ALG1L2: variants seen among roughly 807,000 people sequenced by gnomAD.
ALG1L2 encodes ALG1 chitobiosyldiphosphodolichol beta-mannosyltransferase like 2, also known as putative glycosyltransferase ALG1L2.
Under a neutral mutation model 29.0 loss-of-function variants are expected in ALG1L2, and 32 were observed. That is an observed-to-expected ratio of 1.10 (90% CI 0.83 to 1.48). The LOEUF (loss-of-function observed/expected upper bound fraction) is 1.48. Among genes scored for constraint, ALG1L2 ranks in the 40% most tolerant of loss-of-function variants. ALG1L2 has a pLI of 0.00. For synonymous variants in ALG1L2, 110 were observed against 109.5 expected, an observed-to-expected ratio of 1.00 and a Z score of -0.03; for missense variants, 318 against 274.1, an observed-to-expected ratio of 1.16 and a Z score of -1.13.
chr3:130,083,383 G>A (rs1260444679), intron 1 of ALG1L2, among the ~76,000 whole-genome samples: 1 of 129,214 alleles, frequency 7.7e-6, no homozygotes, highest in Non-Finnish European at 1.8e-5. Context: ...GGCAGAGGTT[G>A]CAGTGAGCTG....
Position 130,096,117 on chromosome 3 carries a change from G to A in ALG1L2, c.493G>A (p.Asp165Asn), listed in dbSNP as rs548959163. 107 of 1,611,988 alleles carry A rather than the reference G, an allele frequency of 6.6e-5. No homozygotes were observed. In the Middle Eastern group the frequency reaches 6.8e-4, roughly 10 times the overall value. The change falls in exon 6 of 8, where the codon GAC (aspartate) becomes AAC (asparagine). Residue 165 changes from aspartate to asparagine, a missense_variant. Physicochemically the swap from Asp to Asn is conservative, Grantham distance 23. Transcript: ENST00000425059. ...SGLDLPMKVV[D>N]MFRCCLPACA... Reference sequence around the variant, plus strand: ...CCTGGACCTGCCCATGAAGGTGGTGGACATGTTCAGGTGCTGTTTGCCTGC... The same window carrying A: ...CCTGGACCTGCCCATGAAGGTGGTGAACATGTTCAGGTGCTGTTTGCCTGC...
intron 1 of ALG1L2, among the ~76,000 whole-genome samples, chr3:130,084,941 T>G (rs1403934398): frequency 8.3e-6 from 1 of 120,728 alleles, no homozygotes. Context: ...TATAGAGATA[T>G]ATATAATTTT....
chr3:130,093,668 C>A (rs1935067146), intron 4 of ALG1L2, among the ~76,000 whole-genome samples: 2 of 152,172 alleles, frequency 1.3e-5, no homozygotes, highest in African/African-American at 2.4e-5. Context: ...AGGTGATCCA[C>A]CCGCCTTGGC....
At position 130,091,366 on chromosome 3, in the gene ALG1L2, G is replaced by T. The variant is rs1317773540; in HGVS notation, c.126G>T (p.Arg42Ser). ...TGGGCAGCACGCACTCTCCGTTCAG[G>T]GCCCGGTAGGCCTCCCACCCTCAGC... ...MKLGSTHSPF[R>S]ARSEPEDPDT... The change falls in exon 2 of 8, where the codon AGG becomes AGT. Residue 42 changes from arginine (R) to serine (S), a missense_variant. Transcript: ENST00000425059. The T allele has an allele frequency of 1.3e-6, 2 of 1,596,672 alleles. No individual in the cohort carries two copies.
chr3:130,090,434 C>T (rs1181498162), intron 1 of ALG1L2, among the ~76,000 whole-genome samples: 2 of 152,302 alleles, frequency 1.3e-5, no homozygotes, highest in Non-Finnish European at 2.9e-5. Flanking sequence ...CCCTGAATAC[C>T]CTGCAGTGAG....
chr3:130,097,961 G>T (rs1248884433), intron 7 of ALG1L2, among the ~76,000 whole-genome samples: 1 of 152,236 alleles, frequency 6.6e-6, no homozygotes, highest in East Asian at 1.9e-4. Flanking sequence ...CGAGAGGAGG[G>T]TGCTCACAGG....
At chr3:130,091,976 G>A in intron 2 of ALG1L2, 125 bp from the exon 3 acceptor site, 1 of 1,494,740 alleles carries the variant, frequency 6.7e-7, no homozygotes, top group Non-Finnish European at 9.1e-7. Flanking sequence ...GTGGCCTGGT[G>A]CTGCTGATGC....
At position 130,083,794 on chromosome 3, in the gene ALG1L2, G is replaced by A. The variant is rs1319165403; in HGVS notation, c.20+1758G>A. 3.5e-5 allele frequency among the ~76,000 whole-genome samples: 5 copies of A among 143,288 alleles called. No homozygotes were observed. The South Asian group carries it at 1.1e-3, about 32-fold the overall frequency. The allele number at this position is 143,288 out of a possible 152,430, so 94.0% of individuals were successfully genotyped here. A position where few individuals can be genotyped will look rare whatever the true frequency, so the allele number is the denominator to read the frequency against. On this transcript the variant is annotated intron_variant, in intron 1 of 7. Coordinates refer to ENST00000425059, the MANE Select transcript of ALG1L2 (RefSeq NM_001136152.1). ...GCTTTTTCCTCTGATTTTTGAATAA[G>A]GGGGCCCATGTTTTCATCTTGCACT...
At chr3:130,092,477 C>A (rs554414808) in intron 3 of ALG1L2, among the ~76,000 whole-genome samples, 2 of 152,288 alleles carry the variant, frequency 1.3e-5, no homozygotes, top group African/African-American at 4.8e-5. Flanking sequence ...GAGCTCTGGG[C>A]TCGTCGGGGC....
chr3:130,097,072 C>A (rs1159002303), intron 6 of ALG1L2, 103 bp from the exon 7 acceptor site: 16 of 1,541,428 alleles, frequency 1.0e-5, no homozygotes, highest in African/African-American at 1.4e-5. Flanking sequence ...GTTCCAACCC[C>A]CAGCCTGGCT....
At chr3:130,089,957 G>A (rs77715886) in intron 1 of ALG1L2, among the ~76,000 whole-genome samples, 8 of 151,212 alleles carry the variant, frequency 5.3e-5, no homozygotes, top group South Asian at 2.1e-4. Context: ...TAGGAGAATC[G>A]CTTGATTCCT....
intron 1 of ALG1L2, among the ~76,000 whole-genome samples, chr3:130,087,497 G>GT (rs1366848663): frequency 3.4e-4 from 45 of 131,146 alleles, no homozygotes; most frequent in South Asian, 9.6e-4. Flanking sequence ...TCTGAATGAG[G>GT]TCCATTAGAA....
Position 130,092,184 on chromosome 3 carries a change from A to G in ALG1L2, c.215A>G (p.Glu72Gly). The G allele has an allele frequency of 6.2e-7, 1 of 1,612,400 alleles. No homozygotes were observed. The highest frequency in any genetic ancestry group is 8.5e-7 in the Non-Finnish European group (1 of 1,179,564). Residue 72 changes from glutamate (E) to glycine (G), a missense_variant, in exon 3 of 8, where the codon GAG becomes GGG. Coordinates refer to ENST00000425059, the MANE Select transcript of ALG1L2 (RefSeq NM_001136152.1). ...AGCGGGCTGGTGACGCGTCTCCACGAGCGGCCAGCCCTGCTGGTCAGCAGC... is the reference window on the plus strand; with the variant it reads ...AGCGGGCTGGTGACGCGTCTCCACGGGCGGCCAGCCCTGCTGGTCAGCAGC... Reference protein sequence around the residue: ...SGSGLVTRLHERPALLVSSTS... With the variant: ...SGSGLVTRLHGRPALLVSSTS...
rs1314709637 is a variant in ALG1L2 at position 130,098,260 on chromosome 3, G to C, written c.*5G>C. ...GCTTTTCTCAAACTTTCCTGATCCT[G>C]AAGGCAAGCTAAACCAGTTCCGGAA... is the stretch of plus-strand genomic sequence containing the variant. On this transcript the variant is annotated 3_prime_UTR_variant, in exon 8 of 8. Transcript: ENST00000425059. 1 of 1,596,450 alleles carries C rather than the reference G, an allele frequency of 6.3e-7. No individual in the cohort carries two copies. Among genetic ancestry groups the C allele is most frequent in the Non-Finnish European group, 8.5e-7 (1 of 1,179,776 alleles).
intron 7 of ALG1L2, among the ~76,000 whole-genome samples, chr3:130,097,958 A>G (rs1359085054): frequency 2.6e-5 from 4 of 152,196 alleles, no homozygotes; most frequent in Admixed American, 1.3e-4. Flanking sequence ...GGCCGAGAGG[A>G]GGGTGCTCAC....
At chr3:130,094,648 C>G (rs960070721) in intron 5 of ALG1L2, 135 bp downstream of exon 5, 2 of 1,041,678 alleles carry the variant, frequency 1.9e-6, no homozygotes, top group African/African-American at 1.6e-5. Flanking sequence ...TAGCTGAACT[C>G]CCGGGAGAAG....
At chr3:130,091,901 C>A in intron 2 of ALG1L2, 200 bp from the exon 3 acceptor site, 1 of 832,606 alleles carries the variant, frequency 1.2e-6, no homozygotes, top group Non-Finnish European at 2.0e-6. Flanking sequence ...GTCTTGTTTG[C>A]TGTTGTAACC....
rs1285424466 is a variant in ALG1L2 at position 130,091,387 on chromosome 3, T to A, written c.131+16T>A. On this transcript the variant is annotated intron_variant, in intron 2 of 7. Coordinates refer to ENST00000425059, the MANE Select transcript of ALG1L2 (RefSeq NM_001136152.1). The stretch of plus-strand genomic sequence containing the variant: ...TCAGGGCCCGGTAGGCCTCCCACCC[T>A]CAGCTGCCTTCTCTCCTGCTCGCCA... The A allele has an allele frequency of 1.3e-6, 2 of 1,593,456 alleles. No homozygotes were observed. Among genetic ancestry groups the A allele is most frequent in the Non-Finnish European group, 1.7e-6 (2 of 1,177,712 alleles).
chr3:130,087,052 G>A (rs1319436259), intron 1 of ALG1L2, among the ~76,000 whole-genome samples: 9 of 149,868 alleles, frequency 6.0e-5, no homozygotes, highest in African/African-American at 1.7e-4. Flanking sequence ...TTACAGCCTT[G>A]TTAGATAAAT....
Sources: gnomAD v4.1 joint callset for allele counts (sites outside exome capture counted in the v4.1 genomes callset) on GRCh38, gnomAD v4.1.1 for gene constraint, MANE v1.5 for transcripts, NCBI Gene and HGNC (gene_info 2026-07-23, HGNC 2026-07-21) for gene names.